Variants in FBXL7 observed in about 807,000 individuals in gnomAD.
FBXL7 encodes F-box and leucine rich repeat protein 7.
In FBXL7, 12 loss-of-function variants were observed where a neutral mutation model predicts 38.3. The ratio of observed to expected loss-of-function variants is 0.31; its 90% CI spans 0.20 to 0.51. FBXL7 has a LOEUF of 0.51. Ranked by LOEUF, FBXL7 falls within the 20% of genes least tolerant of loss-of-function variation. The probability of loss-of-function intolerance (pLI) is 0.98; values close to 1 mark genes in which losing one functional copy is unlikely to be tolerated. For synonymous variants in FBXL7, 297 were observed against 300.9 expected, an observed-to-expected ratio of 0.99 and a Z score of 0.13; for missense variants, 567 against 676.4, an observed-to-expected ratio of 0.84 and a Z score of 1.79.
chr5:15,504,309 CTTT>C (rs1314500268), intron 1 of FBXL7, among the ~76,000 whole-genome samples: 2 of 152,198 alleles, frequency 1.3e-5, no homozygotes, highest in African/African-American at 2.4e-5. Flanking sequence ...TAGAGATTAA[CTTT>C]GGAAAGACAT....
intron 3 of FBXL7, among the ~76,000 whole-genome samples, chr5:15,931,946 T>C (rs2126466080): frequency 6.6e-6 from 1 of 152,314 alleles, no homozygotes; most frequent in South Asian, 2.1e-4. Context: ...GTCTGCCTTT[T>C]GGGTACAGAA....
chr5:15,518,337 A>G (rs568301752), intron 1 of FBXL7, among the ~76,000 whole-genome samples: 2 of 152,228 alleles, frequency 1.3e-5, no homozygotes, highest in East Asian at 3.9e-4. Flanking sequence ...ACCAGAAGTG[A>G]AGGTACCATT....
At chr5:15,536,553 G>C (rs552077379) in intron 1 of FBXL7, among the ~76,000 whole-genome samples, 1 of 152,318 alleles carries the variant, frequency 6.6e-6, no homozygotes, top group South Asian at 2.1e-4. Context: ...TGCCCTGCTG[G>C]GTTTTGGACT....
At chr5:15,826,701 G>T (rs1738320688) in intron 2 of FBXL7, among the ~76,000 whole-genome samples, 1 of 152,162 alleles carries the variant, frequency 6.6e-6, no homozygotes, top group Non-Finnish European at 1.5e-5. Context: ...TTACACGCAT[G>T]ATCCACCGCA....
chr5:15,623,787 G>A (rs1032390688), intron 2 of FBXL7, among the ~76,000 whole-genome samples: 8 of 152,230 alleles, frequency 5.3e-5, no homozygotes, highest in African/African-American at 7.2e-5. Flanking sequence ...TCAGGCTTTC[G>A]TGAGCATTAT....
At chr5:15,821,242 A>G (rs1442460391) in intron 2 of FBXL7, among the ~76,000 whole-genome samples, 2 of 152,240 alleles carry the variant, frequency 1.3e-5, no homozygotes, top group Non-Finnish European at 2.9e-5. Context: ...ATCTTTTCAT[A>G]AAATAATTTT....
intron 2 of FBXL7, among the ~76,000 whole-genome samples, chr5:15,676,895 T>G (rs1742673074): frequency 6.6e-6 from 1 of 152,226 alleles, no homozygotes; most frequent in Non-Finnish European, 1.5e-5. Context: ...GTATGCTACC[T>G]GGGAAATCTC....
intron 2 of FBXL7, among the ~76,000 whole-genome samples, chr5:15,689,727 C>G (rs923132046): frequency 6.6e-6 from 1 of 152,156 alleles, no homozygotes; most frequent in African/African-American, 2.4e-5. Context: ...GTAAATTAAT[C>G]AGAGTTGCTC....
At position 15,765,177 on chromosome 5, in the gene FBXL7, G is replaced by A. The variant is rs184133239; in HGVS notation, c.127+149105G>A. Among the ~76,000 whole-genome samples the A allele has an allele frequency of 3.9e-4, 60 of 152,124 alleles. 1 individual carries two copies. Among genetic ancestry groups the A allele is most frequent in the Middle Eastern group, 3.4e-3 (1 of 292 alleles). On this transcript the variant is annotated intron_variant, in intron 2 of 3. Transcript: ENST00000504595. Reference sequence around the variant, plus strand: ...CTTGGTGCACAGGTGAGCTATATACGAACAGGCAGTGGCAGCCGGATTTGA... The same window carrying A: ...CTTGGTGCACAGGTGAGCTATATACAAACAGGCAGTGGCAGCCGGATTTGA...
At chr5:15,844,116 A>T (rs926101322) in intron 2 of FBXL7, among the ~76,000 whole-genome samples, 1 of 152,100 alleles carries the variant, frequency 6.6e-6, no homozygotes, top group African/African-American at 2.4e-5. Flanking sequence ...AGGAGGGGGG[A>T]CACACTAAGA....
At chr5:15,815,861 A>G (rs1317286015) in intron 2 of FBXL7, among the ~76,000 whole-genome samples, 1 of 152,150 alleles carries the variant, frequency 6.6e-6, no homozygotes, top group Non-Finnish European at 1.5e-5. Context: ...ATTAATTTGT[A>G]GTATGTTTCA....
At chr5:15,686,182 C>G (rs182206057) in intron 2 of FBXL7, among the ~76,000 whole-genome samples, 2 of 152,322 alleles carry the variant, frequency 1.3e-5, no homozygotes, top group African/African-American at 4.8e-5. Context: ...CATCTGGTCA[C>G]TCTCAGGCCT....
intron 2 of FBXL7, among the ~76,000 whole-genome samples, chr5:15,629,460 T>C (rs907575420): frequency 6.6e-6 from 1 of 152,178 alleles, no homozygotes; most frequent in Non-Finnish European, 1.5e-5. Context: ...TGTTTTATTA[T>C]TTTATTATGA....
At chr5:15,807,007 A>G (rs1450450479) in intron 2 of FBXL7, among the ~76,000 whole-genome samples, 1 of 151,820 alleles carries the variant, frequency 6.6e-6, no homozygotes, top group Non-Finnish European at 1.5e-5. Context: ...CTGGAGTGCA[A>G]ATGGCACAAT....
intron 2 of FBXL7, among the ~76,000 whole-genome samples, chr5:15,693,723 G>C (rs1194196128): frequency 6.6e-6 from 1 of 152,170 alleles, no homozygotes; most frequent in Non-Finnish European, 1.5e-5. Flanking sequence ...GACAGATGCT[G>C]GAAGGCCATC....
chr5:15,654,270 C>A (rs1161970854), intron 2 of FBXL7, among the ~76,000 whole-genome samples: 1 of 152,028 alleles, frequency 6.6e-6, no homozygotes, highest in African/African-American at 2.4e-5. Flanking sequence ...GAATAGCTAC[C>A]TTGATGTGCA....
chr5:15,623,280 A>T (rs770750209), intron 2 of FBXL7, among the ~76,000 whole-genome samples: 5 of 152,214 alleles, frequency 3.3e-5, no homozygotes, highest in Non-Finnish European at 7.3e-5. Flanking sequence ...AACTTTCTTC[A>T]GTAGATTAGC....
chr5:15,843,515 A>G (rs1738806021), intron 2 of FBXL7, among the ~76,000 whole-genome samples: 1 of 152,214 alleles, frequency 6.6e-6, no homozygotes, highest in Non-Finnish European at 1.5e-5. Flanking sequence ...TGGAATTAAA[A>G]CTATGCATGA....
chr5:15,500,610 C>A lies in FBXL7; in HGVS notation c.-67C>A, dbSNP rs999676893. ...CCCGTCGGGCGGGCTTTCCTCGGGC[C>A]GAGCGCGCAGGACGTGCGCCGCAGC... On this transcript the variant is annotated 5_prime_UTR_variant, in exon 1 of 4. Transcript: ENST00000504595. The A allele has an allele frequency of 2.5e-6, 4 of 1,608,236 alleles. No homozygotes were observed. Among genetic ancestry groups the A allele is most frequent in the Admixed American group, 3.3e-5 (2 of 59,968 alleles).
Sources: gnomAD v4.1 joint callset for allele counts (sites outside exome capture counted in the v4.1 genomes callset) on GRCh38, gnomAD v4.1.1 for gene constraint, MANE v1.5 for transcripts, NCBI Gene and HGNC (gene_info 2026-07-23, HGNC 2026-07-21) for gene names.